Variants in AKAP6 observed in about 807,000 individuals in gnomAD.
AKAP6 encodes A-kinase anchoring protein 6, also known as A-kinase anchor protein 6.
In AKAP6, 58 loss-of-function variants were observed where a neutral mutation model predicts 188.5. The ratio of observed to expected loss-of-function variants is 0.31; its 90% CI spans 0.25 to 0.38. AKAP6 has a LOEUF of 0.38. Among genes scored for constraint, AKAP6 ranks in the 10% least tolerant of loss-of-function variants. AKAP6 has a pLI of 1.00. For missense variants in AKAP6, 2,710 were observed against 2,740.0 expected, an observed-to-expected ratio of 0.99 and a Z score of 0.24; for synonymous variants, 989 against 998.6, an observed-to-expected ratio of 0.99 and a Z score of 0.18.
intron 1 of AKAP6, among the ~76,000 whole-genome samples, chr14:32,410,571 G>A (rs12895473): frequency 0.63 from 96,372 of 151,990 alleles, 32,952 homozygotes; most frequent in Non-Finnish European, 0.76. Flanking sequence ...GGTCACTCAC[G>A]TTTGGCTCAA....
At chr14:32,473,740 T>G (rs1417462109) in intron 2 of AKAP6, 1 of 152,284 alleles carries the variant, frequency 6.6e-6, no homozygotes, top group Non-Finnish European at 1.5e-5. Flanking sequence ...TTTCTCAGAA[T>G]AACTTGTTCA....
At chr14:32,386,437 C>T (rs1349197353) in intron 1 of AKAP6, among the ~76,000 whole-genome samples, 2 of 152,008 alleles carry the variant, frequency 1.3e-5, no homozygotes, top group Non-Finnish European at 2.9e-5. Flanking sequence ...CCTTAGCCCA[C>T]TTTTTAATAG....
At chr14:32,581,737 A>T (rs1398847880) in intron 5 of AKAP6, among the ~76,000 whole-genome samples, 2 of 152,096 alleles carry the variant, frequency 1.3e-5, no homozygotes, top group East Asian at 3.8e-4. Flanking sequence ...TGGTCCCTTT[A>T]CCATTATGTA....
At chr14:32,549,075 A>G (rs1883337145) in intron 4 of AKAP6, among the ~76,000 whole-genome samples, 1 of 152,216 alleles carries the variant, frequency 6.6e-6, no homozygotes, top group African/African-American at 2.4e-5. Flanking sequence ...CAGTAATAAC[A>G]TATTAATCAT....
In AKAP6 at chr14:32,546,501, G is replaced by T; in HGVS notation, c.1848G>T (p.Arg616Ser). The T allele has an allele frequency of 6.2e-7, 1 of 1,614,162 alleles. No individual in the cohort carries two copies. Among genetic ancestry groups the T allele is most frequent in the African/African-American group, 1.3e-5 (1 of 75,028 alleles). Residue 616 changes from arginine to serine, a missense_variant, in exon 4 of 14, where the codon AGG becomes AGT. By Grantham distance (110) the Arg-to-Ser change is moderately radical (BLOSUM62 -1). Around this residue, in one of 2 missense-constraint regions of AKAP6, gnomAD observed 2,473 missense variants for 2,426.1 expected, o/e 1.02. Transcript: ENST00000280979. ...GQASSPSHVTRNGEVVEAWYG... is the reference protein window; with the variant it reads ...GQASSPSHVTSNGEVVEAWYG... ...CCTCCTCTCCAAGTCACGTCACTAG[G>T]AATGGTGAGGTTGTGGAGGCCTGGT...
intron 2 of AKAP6, among the ~76,000 whole-genome samples, chr14:32,520,593 C>G (rs537301237): frequency 6.6e-6 from 1 of 152,270 alleles, no homozygotes; most frequent in African/African-American, 2.4e-5. Flanking sequence ...ACTAGAAAAT[C>G]TAGAAGAAAT....
intron 1 of AKAP6, among the ~76,000 whole-genome samples, chr14:32,354,410 AT>A (rs914896202): frequency 2.1e-5 from 3 of 144,872 alleles, no homozygotes; most frequent in South Asian, 2.2e-4. Flanking sequence ...ATTCTGTGAA[AT>A]GGGGATAATT....
Position 32,422,912 on chromosome 14 carries a change from A to G in AKAP6, c.-34-10548A>G, listed in dbSNP as rs149047170. 9.2e-3 allele frequency among the ~76,000 whole-genome samples: 1,397 copies of G among 152,306 alleles called. 21 individuals are homozygous for G. Among genetic ancestry groups the G allele is most frequent in the Middle Eastern group, 0.037 (11 of 294 alleles). On this transcript the variant is annotated intron_variant, in intron 1 of 13. Coordinates refer to ENST00000280979, the MANE Select transcript of AKAP6 (RefSeq NM_004274.5). Reference sequence around the variant, plus strand: ...AAAATACTTTAAGGATTCTGAAGTAAAAATCAGGTTGGTTCTTTGTTCTCT... The same window carrying G: ...AAAATACTTTAAGGATTCTGAAGTAGAAATCAGGTTGGTTCTTTGTTCTCT...
At chr14:32,715,053 G>T (rs984502724) in intron 9 of AKAP6, among the ~76,000 whole-genome samples, 2 of 151,822 alleles carry the variant, frequency 1.3e-5, no homozygotes, top group African/African-American at 4.8e-5. Flanking sequence ...GAGCTATATG[G>T]TCGAAGGCAG....
intron 1 of AKAP6, among the ~76,000 whole-genome samples, chr14:32,364,638 A>G (rs1246307328): frequency 2.0e-5 from 3 of 152,130 alleles, no homozygotes; most frequent in Admixed American, 2.0e-4. Context: ...CCCATTTCCT[A>G]TCTCGGCGCT....
chr14:32,692,037 C>G (rs1890202023), intron 8 of AKAP6, among the ~76,000 whole-genome samples: 1 of 152,198 alleles, frequency 6.6e-6, no homozygotes, highest in East Asian at 1.9e-4. Flanking sequence ...CACATTGGTG[C>G]TCATTGGGTA....
intron 2 of AKAP6, among the ~76,000 whole-genome samples, chr14:32,510,969 C>G (rs962198316): frequency 6.6e-6 from 1 of 152,180 alleles, no homozygotes; most frequent in African/African-American, 2.4e-5. Flanking sequence ...AGACGTTCCT[C>G]TGACCAAAAT....
At chr14:32,811,947 A>G (rs2034247684) in intron 12 of AKAP6, among the ~76,000 whole-genome samples, 1 of 152,210 alleles carries the variant, frequency 6.6e-6, no homozygotes, top group South Asian at 2.1e-4. Flanking sequence ...TTACATGACT[A>G]TTCACCTTCT....
At chr14:32,710,853 C>A (rs1293055601) in intron 9 of AKAP6, among the ~76,000 whole-genome samples, 1 of 152,042 alleles carries the variant, frequency 6.6e-6, no homozygotes, top group Non-Finnish European at 1.5e-5. Context: ...CAACTATGAC[C>A]TGCAGGTCAC....
chr14:32,677,863 A>G (rs537076551), intron 7 of AKAP6, among the ~76,000 whole-genome samples: 2 of 152,380 alleles, frequency 1.3e-5, no homozygotes, highest in South Asian at 4.1e-4. Flanking sequence ...AAGAGGTATT[A>G]GAATTAACAC....
intron 9 of AKAP6, among the ~76,000 whole-genome samples, chr14:32,720,451 T>C (rs1347465585): frequency 1.3e-5 from 2 of 152,188 alleles, no homozygotes; most frequent in African/African-American, 4.8e-5. Flanking sequence ...TTTAGGCAAA[T>C]AGTAGTCTGT....
intron 1 of AKAP6, among the ~76,000 whole-genome samples, chr14:32,413,584 C>T (rs528802299): frequency 9.4e-4 from 143 of 152,214 alleles, no homozygotes; most frequent in African/African-American, 3.3e-3. Context: ...AATTCCTCCC[C>T]AAAACCTAAC....
intron 12 of AKAP6, among the ~76,000 whole-genome samples, chr14:32,777,894 G>T (rs1423657773): frequency 2.0e-5 from 3 of 151,996 alleles, no homozygotes; most frequent in African/African-American, 7.2e-5. Flanking sequence ...CAAAAATTAG[G>T]CAGGCCTGAA....
intron 9 of AKAP6, among the ~76,000 whole-genome samples, chr14:32,714,182 G>C (rs1828332784): frequency 1.3e-5 from 2 of 151,900 alleles, no homozygotes; most frequent in African/African-American, 4.8e-5. Flanking sequence ...ATATGGGTGT[G>C]GTTTGTGGTG....
Sources: allele counts gnomAD v4.1 joint callset (sites outside exome capture counted in the v4.1 genomes callset), GRCh38; gene constraint gnomAD v4.1.1; regional missense constraint gnomAD v4.1.1; transcripts MANE v1.5; gene names NCBI Gene and HGNC (gene_info 2026-07-23, HGNC 2026-07-21).